The following GPC3 variants were observed in gnomAD, a reference collection of about 807,000 sequenced individuals.
GPC3 encodes the protein glypican 3, also known as glypican-3.
Under a neutral mutation model 34.4 loss-of-function variants are expected in GPC3, and 3 were observed. That is an observed-to-expected ratio of 0.09 (90% CI 0.04 to 0.23). GPC3 has a LOEUF of 0.23. GPC3 is among the 10% of genes least tolerant of loss of function. The probability of loss-of-function intolerance (pLI) is 1.00; values close to 1 mark genes in which losing one functional copy is unlikely to be tolerated. For synonymous variants in GPC3, 177 were observed against 174.0 expected (o/e 1.02, Z -0.13); for missense variants, 351 against 445.6 (o/e 0.79, Z 1.91).
At chrX:133,769,262 A>C (rs1481609475) in intron 2 of GPC3, among the ~76,000 whole-genome samples, 1 of 112,053 alleles carries the variant, frequency 8.9e-6, no homozygotes, top group African/African-American at 3.2e-5. Flanking sequence ...TCATCATTCA[A>C]TTGGTACAAA....
intron 2 of GPC3, among the ~76,000 whole-genome samples, chrX:133,864,691 A>C (rs1276215994): frequency 8.9e-6 from 1 of 112,675 alleles, no homozygotes; most frequent in East Asian, 2.8e-4. Context: ...TTGTGGTGAA[A>C]ATTTATGGAA....
At chrX:133,945,267 T>C (rs947944301) in intron 2 of GPC3, among the ~76,000 whole-genome samples, 1 of 111,397 alleles carries the variant, frequency 9.0e-6, no homozygotes, top group Non-Finnish European at 1.9e-5. Flanking sequence ...GGCACATTCC[T>C]GTAGTCCCAG....
intron 3 of GPC3, among the ~76,000 whole-genome samples, chrX:133,744,393 C>CA (rs1488695659): frequency 4.4e-5 from 5 of 112,481 alleles, no homozygotes; most frequent in Non-Finnish European, 9.4e-5. Context: ...TTTATGTGGC[C>CA]AACAAACATA....
chrX:133,568,753 G>C (rs1290945466), intron 7 of GPC3, among the ~76,000 whole-genome samples: 1 of 110,582 alleles, frequency 9.0e-6, no homozygotes, highest in Non-Finnish European at 1.9e-5. Flanking sequence ...AGGAGTAAGT[G>C]GAAGGAGAGG....
At chrX:133,896,949 C>G (rs1481049356) in intron 2 of GPC3, among the ~76,000 whole-genome samples, 1 of 103,377 alleles carries the variant, frequency 9.7e-6, no homozygotes, top group Non-Finnish European at 2.0e-5. Flanking sequence ...CTCTGTCGCC[C>G]AGGCTGGAGT....
chrX:133,694,934 A>C (rs931123922), intron 4 of GPC3, among the ~76,000 whole-genome samples: 2 of 111,352 alleles, frequency 1.8e-5, no homozygotes, highest in Non-Finnish European at 3.8e-5. Flanking sequence ...GTATAGAAAG[A>C]TATTACCTGG....
chrX:133,699,840 C>T, intron 4 of GPC3, 55 bp downstream of exon 4: 1 of 1,066,391 alleles, frequency 9.4e-7, no homozygotes, highest in Non-Finnish European at 1.3e-6. Flanking sequence ...GGTTTTTGAC[C>T]TTAAAATACA....
chrX:133,536,397 C>A, intron 7 of GPC3, 104 bp from the exon 8 acceptor site: 1 of 387,540 alleles, frequency 2.6e-6, no homozygotes, highest in Non-Finnish European at 4.4e-6. Flanking sequence ...AAAGCCTCAG[C>A]TTTGATTCCC....
intron 2 of GPC3, among the ~76,000 whole-genome samples, chrX:133,816,604 A>G (rs1261906103): frequency 8.9e-6 from 1 of 112,111 alleles, no homozygotes; most frequent in African/African-American, 3.2e-5. Context: ...CAGAGAGAAG[A>G]AAAACAGGGC....
intron 5 of GPC3, chrX:133,671,351 G>T (rs1478777045): frequency 6.0e-5 from 36 of 600,350 alleles, no homozygotes; most frequent in Middle Eastern, 4.9e-4. Flanking sequence ...GACCGCAAAG[G>T]CCAATGTTGG....
chrX:133,570,017 G>A (rs931763750), intron 7 of GPC3, among the ~76,000 whole-genome samples: 1 of 107,754 alleles, frequency 9.3e-6, no homozygotes. Context: ...TCAGCCTCCC[G>A]AGTAGCTGGG....
At chrX:133,928,015 A>G (rs138934002) in intron 2 of GPC3, among the ~76,000 whole-genome samples, 3,940 of 109,295 alleles carry the variant, frequency 0.036, 66 homozygotes, top group East Asian at 0.097. Flanking sequence ...GCTATTATCA[A>G]CTATAGTCCT....
intron 3 of GPC3, among the ~76,000 whole-genome samples, chrX:133,705,743 G>A (rs940826652): frequency 2.7e-5 from 3 of 112,260 alleles, no homozygotes; most frequent in African/African-American, 9.7e-5. Context: ...CAGTAATAAT[G>A]ATGAAAAATT....
intron 5 of GPC3, among the ~76,000 whole-genome samples, chrX:133,669,801 A>G (rs898347615): frequency 1.8e-5 from 2 of 112,402 alleles, no homozygotes; most frequent in African/African-American, 6.5e-5. Flanking sequence ...TCTTAACTGG[A>G]CATGCTATGT....
At chrX:133,542,504 C>A (rs776071982) in intron 7 of GPC3, among the ~76,000 whole-genome samples, 11 of 111,866 alleles carry the variant, frequency 9.8e-5, no homozygotes, top group Admixed American at 6.6e-4. Flanking sequence ...TTCACCCATA[C>A]CAACAGGAAG....
intron 6 of GPC3, among the ~76,000 whole-genome samples, chrX:133,633,205 C>T (rs182840616): frequency 8.9e-6 from 1 of 112,109 alleles, no homozygotes; most frequent in Admixed American, 9.5e-5. Context: ...AGCATTTTGT[C>T]AATTAAACAT....
intron 6 of GPC3, among the ~76,000 whole-genome samples, chrX:133,641,236 G>T (rs1178630171): frequency 9.0e-6 from 1 of 110,912 alleles, no homozygotes; most frequent in Non-Finnish European, 1.9e-5. Flanking sequence ...AGCACTTTGG[G>T]AGGCCGAGGC....
At chrX:133,685,595 G>T (rs946551574) in intron 5 of GPC3, among the ~76,000 whole-genome samples, 1 of 109,496 alleles carries the variant, frequency 9.1e-6, no homozygotes, top group African/African-American at 3.3e-5. Flanking sequence ...AAATTTCTCA[G>T]GTGAAATGAG....
intron 7 of GPC3, among the ~76,000 whole-genome samples, chrX:133,577,143 T>C (rs1170551818): frequency 1.8e-5 from 2 of 111,941 alleles, no homozygotes; most frequent in African/African-American, 6.5e-5. Flanking sequence ...CCCTCCTGGC[T>C]AAAGTACCTG....
Sources: gnomAD v4.1 joint callset for allele counts (sites outside exome capture counted in the v4.1 genomes callset) on GRCh38, gnomAD v4.1.1 for gene constraint, MANE v1.5 for transcripts, NCBI Gene and HGNC (gene_info 2026-07-23, HGNC 2026-07-21) for gene names.